Variants in SNX30 observed in about 807,000 individuals in gnomAD.
SNX30 encodes sorting nexin-30.
SNX30 carries 24 observed loss-of-function variants against 46.4 expected under a neutral mutation model. The observed-to-expected ratio is 0.52, with a 90% CI of 0.37 to 0.73. The LOEUF is 0.73. SNX30 is among the 30% of genes least tolerant of loss of function. The pLI is 0.00. For missense variants in SNX30, 533 were observed against 555.7 expected, an observed-to-expected ratio of 0.96 and a Z score of 0.41; for synonymous variants, 189 against 211.5, an observed-to-expected ratio of 0.89 and a Z score of 0.92.
Position 112,791,399 on chromosome 9 carries a change from CTTTTTTTTTTTTTTT to C in SNX30, c.157-13362_157-13348del, listed in dbSNP as rs386415930. Among the ~76,000 whole-genome samples the C allele has an allele frequency of 1.6e-4, 11 of 67,458 alleles. 1 individual carries two copies. The highest frequency in any genetic ancestry group is 5.5e-4 in the East Asian group (1 of 1,820). The allele number at this position is 67,458 out of a possible 152,430, so 44.3% of individuals were successfully genotyped here. ...AAATACTTTTAAACATATTTAGGAA[CTTTTTTTTTTTTTTT>C]TTTTTTTTTTTTTTGAGACGGAGCC... On this transcript the variant is annotated intron_variant, in intron 1 of 8. Coordinates refer to ENST00000374232, the MANE Select transcript of SNX30 (RefSeq NM_001012994.2).
intron 2 of SNX30, among the ~76,000 whole-genome samples, chr9:112,811,192 G>C (rs565437203): frequency 6.6e-6 from 1 of 152,322 alleles, no homozygotes; most frequent in Admixed American, 6.5e-5. Context: ...GCCTCTACTT[G>C]TCATTCTCAG....
rs561248252 is a variant in SNX30 at position 112,780,876 on chromosome 9, C to T, written c.157-23900C>T. ...GTAATGTGCTCTGAATCTTTGTCCC[C>T]GGCTTAGACATTGATGACGCTTAGC... On this transcript the variant is annotated intron_variant, in intron 1 of 8. Coordinates refer to ENST00000374232, the MANE Select transcript of SNX30 (RefSeq NM_001012994.2). 1.1e-4 allele frequency among the ~76,000 whole-genome samples: 17 copies of T among 152,302 alleles called. No individual in the cohort carries two copies. The South Asian group carries it at 1.2e-3, about 11-fold the overall frequency.
intron 8 of SNX30, 101 bp downstream of exon 8, chr9:112,864,500 T>C (rs1841287880): frequency 2.0e-6 from 3 of 1,465,350 alleles, no homozygotes; most frequent in Non-Finnish European, 2.8e-6. Flanking sequence ...TCTCATCTCC[T>C]TCCCTTATTT....
chr9:112,858,779 T>A (rs1346450288), intron 7 of SNX30, among the ~76,000 whole-genome samples: 6 of 152,084 alleles, frequency 3.9e-5, no homozygotes, highest in South Asian at 2.1e-4. Context: ...ATTCACCACC[T>A]CCTCTTTCTG....
chr9:112,855,162 G>C (rs976407974), intron 7 of SNX30, among the ~76,000 whole-genome samples: 7 of 152,196 alleles, frequency 4.6e-5, no homozygotes, highest in African/African-American at 7.2e-5. Flanking sequence ...AGGTTTTGCT[G>C]TGCTTTGCCT....
At chr9:112,854,197 T>G (rs1841082149) in intron 7 of SNX30, among the ~76,000 whole-genome samples, 1 of 152,262 alleles carries the variant, frequency 6.6e-6, no homozygotes, top group South Asian at 2.1e-4. Flanking sequence ...CCTGGCTTGC[T>G]GGCTGCTGGA....
intron 1 of SNX30, among the ~76,000 whole-genome samples, chr9:112,753,414 T>TA (rs979330585): frequency 1.3e-5 from 2 of 152,152 alleles, no homozygotes; most frequent in Admixed American, 1.3e-4. Flanking sequence ...AGCAGAGACT[T>TA]ACTCTGTCAC....
chr9:112,776,899 T>C (rs945828583), intron 1 of SNX30, among the ~76,000 whole-genome samples: 1 of 152,212 alleles, frequency 6.6e-6, no homozygotes, highest in Non-Finnish European at 1.5e-5. Context: ...CTTCCCACAA[T>C]ACCCTTCCTC....
chr9:112,818,016 TGGCTG>T (rs1488675235), intron 3 of SNX30, among the ~76,000 whole-genome samples: 1 of 152,208 alleles, frequency 6.6e-6, no homozygotes, highest in African/African-American at 2.4e-5. Flanking sequence ...GTTTTGCGGC[TGGCTG>T]GGCTTTCTTT....
chr9:112,882,016 A>C (rs1254616387), downstream of SNX30, among the ~76,000 whole-genome samples: 1 of 152,174 alleles, frequency 6.6e-6, no homozygotes, highest in East Asian at 1.9e-4. Flanking sequence ...GAGGGTGGTC[A>C]ATGGCAGGAA....
chr9:112,883,577 T>C (rs1841608874), downstream of SNX30, among the ~76,000 whole-genome samples: 1 of 152,106 alleles, frequency 6.6e-6, no homozygotes, highest in Non-Finnish European at 1.5e-5. Context: ...AAGAGTTTGC[T>C]GTTATTATCA....
chr9:112,756,424 C>T (rs1472834230), intron 1 of SNX30, among the ~76,000 whole-genome samples: 2 of 136,794 alleles, frequency 1.5e-5, no homozygotes, highest in Admixed American at 1.5e-4. Context: ...ACCTCCTTAT[C>T]TGTAATCATC....
chr9:112,775,720 A>G (rs939059385), intron 1 of SNX30, among the ~76,000 whole-genome samples: 1 of 150,722 alleles, frequency 6.6e-6, no homozygotes, highest in African/African-American at 2.4e-5. Context: ...AGTGTTACCA[A>G]TTTATGGGGA....
At chr9:112,856,559 T>C (rs1841133239) in intron 7 of SNX30, 1 of 152,322 alleles carries the variant, frequency 6.6e-6, no homozygotes, top group African/African-American at 2.4e-5. Context: ...GTTCCCCCTC[T>C]GGTTGAGAGA....
chr9:112,832,453 AGAGAGAGTGT>A (rs1286928397), intron 4 of SNX30, among the ~76,000 whole-genome samples: 43 of 121,384 alleles, frequency 3.5e-4, no homozygotes, highest in Admixed American at 8.8e-4. Context: ...AGAGAGAGAG[AGAGAGAGTGT>A]GTGTGTGTGT....
Position 112,838,483 on chromosome 9 carries a change from C to T in SNX30, c.815-15C>T, listed in dbSNP as rs776239640. The T allele has an allele frequency of 3.1e-6, 5 of 1,593,304 alleles. No homozygotes were observed. Among genetic ancestry groups the T allele is most frequent in the African/African-American group, 2.7e-5 (2 of 74,264 alleles). On this transcript the variant is annotated splice_polypyrimidine_tract_variant and intron_variant, in intron 5 of 8. Coordinates refer to ENST00000374232, the MANE Select transcript of SNX30 (RefSeq NM_001012994.2). ...TACCCAGCCAGATTTTAATTAGTTT[C>T]TGTTCCCTGTTCAGAGTACCTTGTG...
At chr9:112,784,519 C>G (rs1839890939) in intron 1 of SNX30, among the ~76,000 whole-genome samples, 1 of 152,132 alleles carries the variant, frequency 6.6e-6, no homozygotes, top group African/African-American at 2.4e-5. Flanking sequence ...CTGCCCGTGC[C>G]TTCTTTTTTG....
At chr9:112,865,655 ATATATATGTATG>A (rs1358661835) in intron 8 of SNX30, among the ~76,000 whole-genome samples, 28 of 89,414 alleles carry the variant, frequency 3.1e-4, no homozygotes, top group African/African-American at 1.3e-3. Flanking sequence ...ATATATATAT[ATATATATGTATG>A]TATGTATGCA....
Position 112,792,677 on chromosome 9 carries a change from C to T in SNX30, c.157-12099C>T, listed in dbSNP as rs561429636. Among the ~76,000 whole-genome samples the T allele has an allele frequency of 2.2e-4, 33 of 152,262 alleles. No homozygotes were observed. In the South Asian group the frequency reaches 6.0e-3, roughly 28 times the overall value. ...CTGGGCTCAAGCAATCCACCTGCCT[C>T]GGTCTCCCAAAGTGCTGGGATTATA... is the stretch of plus-strand genomic sequence containing the variant. On this transcript the variant is annotated intron_variant, in intron 1 of 8. Coordinates refer to ENST00000374232, the MANE Select transcript of SNX30 (RefSeq NM_001012994.2).
Sources: allele counts gnomAD v4.1 joint callset (sites outside exome capture counted in the v4.1 genomes callset), GRCh38; gene constraint gnomAD v4.1.1; transcripts MANE v1.5; gene names NCBI Gene and HGNC (gene_info 2026-07-23, HGNC 2026-07-21).